Variants in RPGRIP1L observed in about 807,000 individuals in gnomAD.
RPGRIP1L encodes protein fantom.
Under a neutral mutation model 160.4 loss-of-function variants are expected in RPGRIP1L, and 131 were observed. That is an observed-to-expected ratio of 0.82 (90% confidence interval 0.71 to 0.94). RPGRIP1L has a LOEUF of 0.94. Among genes scored for constraint, RPGRIP1L ranks in the 40% least tolerant of loss-of-function variants. The pLI is 0.00. For synonymous variants in RPGRIP1L, 510 were observed against 515.8 expected (o/e 0.99, Z 0.15); for missense variants, 1,522 against 1,535.8 (o/e 0.99, Z 0.15).
rs1446677247 is a variant in RPGRIP1L at position 53,692,370 on chromosome 16, G to A, written c.231-6C>T. 2 of 1,612,556 alleles carry A rather than the reference G, an allele frequency of 1.2e-6. No individual in the cohort carries two copies. Among genetic ancestry groups the A allele is most frequent in the South Asian group, 2.2e-5 (2 of 91,026 alleles). ...GTATTAACTTGGTGGCCATTCTGGG[G>A]AAATAATAAAAAGATGAAAAGGAAT... On this transcript the variant is annotated splice_region_variant and splice_polypyrimidine_tract_variant and intron_variant, in intron 3 of 26. Transcript: ENST00000647211.
intron 22 of RPGRIP1L, among the ~76,000 whole-genome samples, chr16:53,630,068 G>A (rs1043586405): frequency 3.9e-5 from 6 of 152,012 alleles, no homozygotes; most frequent in African/African-American, 1.2e-4. Flanking sequence ...GTGTTGCAGC[G>A]ACAGGTTCTC....
In RPGRIP1L at chr16:53,602,166, A is replaced by G. The variant is rs201132156; in HGVS notation, c.3858T>C (p.Gly1286=). The part of the protein sequence containing the change: ...NIDVFDARAD[G]EGIGKLRVTV... ...TTACCCTGAGCTTGCCAATACCTTCACCATCTGCTCGTGCATCAAAAACTA... is the reference window on the plus strand; with the variant it reads ...TTACCCTGAGCTTGCCAATACCTTCGCCATCTGCTCGTGCATCAAAAACTA... The change falls in exon 27 of 27, where the codon GGT becomes GGC. Residue 1286 remains glycine, a synonymous_variant. Transcript: ENST00000647211. 8.1e-6 allele frequency: 13 copies of G among 1,613,302 alleles called. No individual in the cohort carries two copies. Among genetic ancestry groups the G allele is most frequent in the Non-Finnish European group, 1.1e-5 (13 of 1,179,416 alleles).
At position 53,686,555 on chromosome 16, in the gene RPGRIP1L, T is replaced by C. The variant is rs1404574894; in HGVS notation, c.654A>G (p.Gln218=). 1.9e-6 allele frequency: 3 copies of C among 1,613,560 alleles called. No individual in the cohort carries two copies. The African/African-American group carries it at 4.0e-5, about 22-fold the overall frequency. ...IRNLENVIQS[Q]RGQIEELEHL... is the part of the protein sequence containing the mutation. ...GCTCTAACTCCTCTATCTGGCCTCT[T>C]TGTGACTGAATAACGTTTTCTCTGA... The change falls in exon 6 of 27, where the codon CAA becomes CAG. Residue 218 remains glutamine (Q), a synonymous_variant. Transcript: ENST00000647211.
At chr16:53,659,310 A>C in intron 10 of RPGRIP1L, 1 of 442,604 alleles carries the variant, frequency 2.3e-6, no homozygotes, top group Non-Finnish European at 3.1e-6. Context: ...AGCATATAGT[A>C]TTTTTATTAA....
chr16:53,675,105 T>C lies in RPGRIP1L; in HGVS notation c.794A>G (p.Asn265Ser). Residue 265 changes from asparagine (N) to serine (S), a missense_variant, in exon 7 of 27, where the codon AAT becomes AGT. Transcript: ENST00000647211. ...ATDQRSNIRD[N>S]VEMIKLHKQL... Reference sequence around the variant, plus strand: ...TTTATGAAGCTTAATCATTTCTACATTGTCCCGAATATTTGACCTTCAGAG... The same window carrying C: ...TTTATGAAGCTTAATCATTTCTACACTGTCCCGAATATTTGACCTTCAGAG... 1.2e-6 allele frequency: 2 copies of C among 1,610,484 alleles called. No individual in the cohort carries two copies. Among genetic ancestry groups the C allele is most frequent in the Non-Finnish European group, 1.7e-6 (2 of 1,177,976 alleles).
intron 22 of RPGRIP1L, among the ~76,000 whole-genome samples, chr16:53,630,434 G>A (rs1965448685): frequency 6.6e-6 from 1 of 151,940 alleles, no homozygotes; most frequent in East Asian, 1.9e-4. Flanking sequence ...GAGAAAACAT[G>A]AATTTTCAAA....
chr16:53,671,616 A>G, intron 8 of RPGRIP1L, 33 bp from the exon 9 acceptor site: 2 of 1,178,452 alleles, frequency 1.7e-6, no homozygotes, highest in East Asian at 2.6e-5. Context: ...TATTAAGTAA[A>G]TATTATATAA....
In RPGRIP1L at chr16:53,600,140, C is replaced by T. The variant is rs1470678473; in HGVS notation, c.*1936G>A. On this transcript the variant is annotated 3_prime_UTR_variant, in exon 27 of 27. Coordinates refer to ENST00000647211, the MANE Select transcript of RPGRIP1L (RefSeq NM_015272.5). ...TAACATTTTACAACAATAATACAAA[C>T]CTCCTGGGAGAATACCACAATAAAT... The T allele has an allele frequency of 6.6e-6, 1 of 152,610 alleles. No homozygotes were observed. The highest frequency in any genetic ancestry group is 1.5e-5 in the Non-Finnish European group (1 of 68,026). 9.5% of individuals were successfully genotyped at this position (152,610 alleles called of 1,614,324 possible).
At chr16:53,663,504 A>G (rs1052981608) in intron 10 of RPGRIP1L, among the ~76,000 whole-genome samples, 1 of 152,066 alleles carries the variant, frequency 6.6e-6, no homozygotes, top group East Asian at 1.9e-4. Flanking sequence ...TGGAAAAGAG[A>G]GAGGGAATAT....
intron 2 of RPGRIP1L, among the ~76,000 whole-genome samples, chr16:53,700,121 T>C (rs1475752346): frequency 1.3e-5 from 2 of 152,258 alleles, no homozygotes; most frequent in Non-Finnish European, 2.9e-5. Flanking sequence ...GTGCTTTTCT[T>C]TCTCAATTTG....
In RPGRIP1L at chr16:53,696,133, A is replaced by C. The variant is rs1342473062; in HGVS notation, c.230+18T>G. 2 of 1,612,306 alleles carry C rather than the reference A, an allele frequency of 1.2e-6. No homozygotes were observed. Among genetic ancestry groups the C allele is most frequent in the Middle Eastern group, 1.6e-4 (1 of 6,076 alleles). ...TTTACTGAGTCAAGAAAAAAAGCTA[A>C]AAGCTTTTTATCATAACCTTTTAAT... On this transcript the variant is annotated intron_variant, in intron 3 of 26. Transcript: ENST00000647211.
chr16:53,669,141 T>G (rs944121019), intron 9 of RPGRIP1L, among the ~76,000 whole-genome samples: 6 of 152,168 alleles, frequency 3.9e-5, no homozygotes, highest in African/African-American at 4.8e-5. Context: ...CGAATAACAG[T>G]GTCATGAAAC....
chr16:53,692,803 G>C (rs951410587), intron 3 of RPGRIP1L, among the ~76,000 whole-genome samples: 1 of 152,142 alleles, frequency 6.6e-6, no homozygotes, highest in Non-Finnish European at 1.5e-5. Flanking sequence ...ATTGTTTTCA[G>C]TTTCTCCAGG....
chr16:53,658,474 A>AT lies in RPGRIP1L; in HGVS notation c.1351-11dup. 1 of 1,597,606 alleles carries AT rather than the reference A, an allele frequency of 6.3e-7. No individual in the cohort carries two copies. Among genetic ancestry groups the AT allele is most frequent in the Non-Finnish European group, 8.6e-7 (1 of 1,165,296 alleles). The stretch of plus-strand genomic sequence containing the variant: ...CATTAATATCATTCTCCTGCAATAG[A>AT]TTAAGTAAAAGCTCACAATGAGTTA... On this transcript the variant is annotated splice_polypyrimidine_tract_variant and intron_variant, in intron 11 of 26. Transcript: ENST00000647211.
chr16:53,663,722 AT>A (rs1363116421), intron 10 of RPGRIP1L, among the ~76,000 whole-genome samples: 1 of 152,142 alleles, frequency 6.6e-6, no homozygotes, highest in Non-Finnish European at 1.5e-5. Flanking sequence ...CATAAAAAAA[AT>A]CTATCATCAA....
At position 53,645,890 on chromosome 16, in the gene RPGRIP1L, T is replaced by C. The variant is rs1966512167; in HGVS notation, c.2418A>G (p.Ala806=). 3 of 1,614,172 alleles carry C rather than the reference T, an allele frequency of 1.9e-6. No homozygotes were observed. Among genetic ancestry groups the C allele is most frequent in the Non-Finnish European group, 2.5e-6 (3 of 1,180,016 alleles). The part of the protein sequence containing the change: ...IRCCNHLQSR[A]SHLQPHPYVV... ...CATATGGGTGTGGCTGCAGGTGGCT[T>C]GCTCGGGACTGCAGGTGGTTGCAAC... is the stretch of plus-strand genomic sequence containing the variant. Residue 806 remains alanine (A), a synonymous_variant, in exon 17 of 27, where the codon GCA becomes GCG. Coordinates refer to ENST00000647211, the MANE Select transcript of RPGRIP1L (RefSeq NM_015272.5).
At chr16:53,664,789 C>A (rs962622696) in intron 10 of RPGRIP1L, 81 bp downstream of exon 10, 15 of 1,469,410 alleles carry the variant, frequency 1.0e-5, no homozygotes, top group Non-Finnish European at 1.2e-5. Flanking sequence ...AAACAGTAGG[C>A]ACCAGAGTAA....
chr16:53,641,309 T>C lies in RPGRIP1L; in HGVS notation c.2850A>G (p.Ala950=), dbSNP rs752095514. The change falls in exon 18 of 27, where the codon GCA becomes GCG. Residue 950 remains alanine, a synonymous_variant. Transcript: ENST00000647211. ...EPEVVQRLPP[A]SSVSTLVLAP... The stretch of plus-strand genomic sequence containing the variant: ...CTAAAACTAGTGTGCTAACAGAGGA[T>C]GCTGGAGGAAGTCTTTGAACAACTT... 17 of 1,614,068 alleles carry C rather than the reference T, an allele frequency of 1.1e-5. No homozygotes were observed. The highest frequency in any genetic ancestry group is 9.9e-5 in the South Asian group (9 of 91,084).
intron 6 of RPGRIP1L, among the ~76,000 whole-genome samples, chr16:53,681,194 A>C (rs903588494): frequency 6.6e-6 from 1 of 152,232 alleles, no homozygotes. Flanking sequence ...AGGGAAGGCA[A>C]GTCAGAGTGT....
Sources: allele counts gnomAD v4.1 joint callset (sites outside exome capture counted in the v4.1 genomes callset), GRCh38; gene constraint gnomAD v4.1.1; transcripts MANE v1.5; gene names NCBI Gene and HGNC (gene_info 2026-07-23, HGNC 2026-07-21).